Variants in ST8SIA3 observed in about 807,000 individuals in gnomAD.
ST8SIA3 encodes the protein ST8 alpha-N-acetyl-neuraminide alpha-2,8-sialyltransferase 3.
Under a neutral mutation model 34.5 loss-of-function variants are expected in ST8SIA3, and 17 were observed. That is an observed-to-expected ratio of 0.49 (90% CI 0.34 to 0.74). The LOEUF (loss-of-function observed/expected upper bound fraction) is 0.74, where lower values mean the gene tolerates loss of function less well. Among genes scored for constraint, ST8SIA3 ranks in the 30% least tolerant of loss-of-function variants. The probability of loss-of-function intolerance (pLI) is 0.01; values close to 1 mark genes in which losing one functional copy is unlikely to be tolerated. For missense variants in ST8SIA3, 354 were observed against 467.8 expected, an observed-to-expected ratio of 0.76 and a Z score of 2.24; for synonymous variants, 172 against 176.1, an observed-to-expected ratio of 0.98 and a Z score of 0.19.
chr18:57,359,335 T>C (rs929779315), intron 3 of ST8SIA3, among the ~76,000 whole-genome samples: 2 of 152,174 alleles, frequency 1.3e-5, no homozygotes, highest in Non-Finnish European at 2.9e-5. Flanking sequence ...ACTTTCTGAA[T>C]TTAAAAAATT....
chr18:57,357,600 A>G, intron 3 of ST8SIA3, 130 bp downstream of exon 3: 2 of 739,088 alleles, frequency 2.7e-6, no homozygotes, highest in East Asian at 2.6e-5. Flanking sequence ...GAAGAAACTC[A>G]TATGTTTTGT....
Position 57,360,267 on chromosome 18 carries a change from A to G in ST8SIA3, c.1133A>G (p.His378Arg). 1 of 1,613,642 alleles carries G rather than the reference A, an allele frequency of 6.2e-7. No individual in the cohort carries two copies. Residue 378 changes from histidine (H) to arginine (R), a missense_variant, in exon 4 of 4, where the codon CAC becomes CGC. His to Arg is a conservative substitution (Grantham distance 29). Transcript: ENST00000324000. ...GGGCTCACCAAGCTGACTCTGTCAC[A>G]CTGTGCCTAAGAACTCCAAACGGAA... ...GEGLTKLTLS[H>R]CA
At chr18:57,353,424 C>A (rs143367150) in intron 1 of ST8SIA3, among the ~76,000 whole-genome samples, 1 of 152,050 alleles carries the variant, frequency 6.6e-6, no homozygotes, top group Admixed American at 6.5e-5. Context: ...GCAGACTCCG[C>A]GGGCCGGGCC....
intron 1 of ST8SIA3, among the ~76,000 whole-genome samples, chr18:57,353,728 C>T (rs1425582923): frequency 6.6e-6 from 1 of 152,148 alleles, no homozygotes; most frequent in Admixed American, 6.5e-5. Context: ...AGCTTGACGC[C>T]GCTCTGCGAG....
At chr18:57,357,511 T>C (rs767110199) in intron 3 of ST8SIA3, 41 bp downstream of exon 3, 34 of 1,495,422 alleles carry the variant, frequency 2.3e-5, no homozygotes, top group South Asian at 4.8e-5. Context: ...CTCCACCAGA[T>C]GGCAAATCAA....
rs372611334 is a variant in ST8SIA3 at position 57,362,534 on chromosome 18, T to C, written c.*2257T>C. The stretch of plus-strand genomic sequence containing the variant: ...TATCTCATCATAATGCCAAGGATTT[T>C]TGTTTGTTTTTTAAGTTCAGGGAGA... On this transcript the variant is annotated 3_prime_UTR_variant, in exon 4 of 4. Coordinates refer to ENST00000324000, the MANE Select transcript of ST8SIA3 (RefSeq NM_015879.3). The C allele has an allele frequency of 6.6e-6, 1 of 152,304 alleles. No individual in the cohort carries two copies. The highest frequency in any genetic ancestry group is 6.5e-5 in the Admixed American group (1 of 15,310). The allele number at this position is 152,304 out of a possible 1,614,324, so 9.4% of individuals were successfully genotyped here. A position where few individuals can be genotyped will look rare whatever the true frequency, so the allele number is the denominator to read the frequency against.
Position 57,352,984 on chromosome 18 carries a change from C to G in ST8SIA3, c.138C>G (p.Ser46Arg), listed in dbSNP as rs764954178. The stretch of plus-strand genomic sequence containing the variant: ...TCTTCACCACTCCCAAGTACGCCAG[C>G]CCGGGGGCGCCCCGAATGTACATGT... ...ENIFTTPKYA[S>R]PGAPRMYMFH... Residue 46 changes from serine to arginine, a missense_variant, in exon 1 of 4, where the codon AGC becomes AGG. Ser to Arg is a moderately radical substitution (Grantham distance 110). Coordinates refer to ENST00000324000, the MANE Select transcript of ST8SIA3 (RefSeq NM_015879.3). 5.6e-6 allele frequency: 9 copies of G among 1,611,692 alleles called. No individual in the cohort carries two copies. The highest frequency in any genetic ancestry group is 6.8e-6 in the Non-Finnish European group (8 of 1,179,988).
Position 57,354,471 on chromosome 18 carries a change from C to T in ST8SIA3, c.249C>T (p.Leu83=), listed in dbSNP as rs2049786685. The change falls in exon 2 of 4, where the codon CTC becomes CTT. Residue 83 remains leucine (L), a synonymous_variant. Transcript: ENST00000324000. ...VPITNSLTQE[L]QEKPSKWKFN... ...TTACGAATTCTCTCACCCAGGAACT[C>T]CAAGAGAAACCTTCTAAGTGGAAAT... 2 of 1,614,162 alleles carry T rather than the reference C, an allele frequency of 1.2e-6. No individual in the cohort carries two copies. Among genetic ancestry groups the T allele is most frequent in the Non-Finnish European group, 1.7e-6 (2 of 1,180,028 alleles).
intron 1 of ST8SIA3, among the ~76,000 whole-genome samples, chr18:57,353,383 G>A (rs2049776968): frequency 1.3e-5 from 2 of 151,964 alleles, no homozygotes; most frequent in South Asian, 4.1e-4. Flanking sequence ...ATGGACAGGC[G>A]TGAGGGGAGC....
At chr18:57,353,442 G>A (rs2082932369) in intron 1 of ST8SIA3, among the ~76,000 whole-genome samples, 1 of 152,094 alleles carries the variant, frequency 6.6e-6, no homozygotes, top group Admixed American at 6.5e-5. Flanking sequence ...GCCCGGGGCG[G>A]TGCTGGCGGT....
intron 1 of ST8SIA3, 135 bp downstream of exon 1, chr18:57,353,160 CCTCT>C: frequency 1.0e-5 from 8 of 800,704 alleles, no homozygotes; most frequent in Non-Finnish European, 1.6e-5. Flanking sequence ...TCCTTCCACT[CCTCT>C]CTCTAATTCT....
chr18:57,355,224 C>T (rs1466392476), intron 2 of ST8SIA3, among the ~76,000 whole-genome samples: 1 of 152,100 alleles, frequency 6.6e-6, no homozygotes, highest in African/African-American at 2.4e-5. Flanking sequence ...TGTATTTATT[C>T]TGCTCAGTGA....
intron 1 of ST8SIA3, among the ~76,000 whole-genome samples, chr18:57,353,823 G>A (rs1460552469): frequency 6.6e-6 from 1 of 152,214 alleles, no homozygotes. Context: ...TGCCACCTGT[G>A]GTCCAAGCTG....
In ST8SIA3 at chr18:57,361,408, A is replaced by G. The variant is rs1395923544; in HGVS notation, c.*1131A>G. The G allele has an allele frequency of 6.6e-6, 1 of 152,578 alleles. No individual in the cohort carries two copies. Among genetic ancestry groups the G allele is most frequent in the Non-Finnish European group, 1.5e-5 (1 of 68,066 alleles). 9.5% of individuals were successfully genotyped at this position (152,578 alleles called of 1,614,324 possible). A position where few individuals can be genotyped will look rare whatever the true frequency, so the allele number is the denominator to read the frequency against. ...CCCAGGTGACTAGTGCTGAGGTGCG[A>G]TCGTTTTCCGTATCATTGTGTGCAC... On this transcript the variant is annotated 3_prime_UTR_variant, in exon 4 of 4. Transcript: ENST00000324000.
Position 57,352,707 on chromosome 18 carries a change from C to T in ST8SIA3, c.-140C>T, listed in dbSNP as rs1167368853. The T allele has an allele frequency of 3.2e-6, 1 of 307,902 alleles. No individual in the cohort carries two copies. The highest frequency in any genetic ancestry group is 2.5e-5 in the South Asian group (1 of 39,716). The allele number at this position is 307,902 out of a possible 1,614,324, so 19.1% of individuals were successfully genotyped here. A position where few individuals can be genotyped will look rare whatever the true frequency, so the allele number is the denominator to read the frequency against. ...CTCCCCCCACCCCCGCCCGGGTCCC[C>T]CTCCTCCGCCACACGCGCGCGCGCT... On this transcript the variant is annotated 5_prime_UTR_variant, in exon 1 of 4. Coordinates refer to ENST00000324000, the MANE Select transcript of ST8SIA3 (RefSeq NM_015879.3).
intron 3 of ST8SIA3, among the ~76,000 whole-genome samples, 184 bp from the exon 4 acceptor site, chr18:57,359,811 G>A (rs1000232862): frequency 5.3e-5 from 8 of 152,112 alleles, no homozygotes; most frequent in Non-Finnish European, 2.9e-5. Context: ...TTTCTTACTG[G>A]ATCTCACAAA....
At chr18:57,353,254 C>T (rs2049776111) in intron 1 of ST8SIA3, among the ~76,000 whole-genome samples, 2 of 152,056 alleles carry the variant, frequency 1.3e-5, no homozygotes, top group South Asian at 4.2e-4. Context: ...TTGCATTTCT[C>T]GTATTCTTCC....
rs2049858348 is a variant in ST8SIA3, at chr18:57,365,995, C to T, written c.*5718C>T. 6.6e-6 allele frequency: 1 copy of T among 152,192 alleles called. No homozygotes were observed. The highest frequency in any genetic ancestry group is 2.4e-5 in the African/African-American group (1 of 41,454). The allele number at this position is 152,192 out of a possible 1,614,324, so 9.4% of individuals were successfully genotyped here. On this transcript the variant is annotated 3_prime_UTR_variant, in exon 4 of 4. Transcript: ENST00000324000. Reference sequence around the variant, plus strand: ...AACAGTGGAACCCAGATTTTTAGCACCTACCAATTTCTATGGTGTAAATAC... The same window carrying T: ...AACAGTGGAACCCAGATTTTTAGCATCTACCAATTTCTATGGTGTAAATAC...
rs915842880 is a variant in ST8SIA3 at position 57,358,116 on chromosome 18, G to T, written c.860+646G>T. On this transcript the variant is annotated intron_variant, in intron 3 of 3. Transcript: ENST00000324000. Reference sequence around the variant, plus strand: ...ACTTGAGAGCTTTAAAAATACTATTGTCTAGGCTCTGCCTCAAGAGATCCT... The same window carrying T: ...ACTTGAGAGCTTTAAAAATACTATTTTCTAGGCTCTGCCTCAAGAGATCCT... Among the ~76,000 whole-genome samples the T allele has an allele frequency of 4.6e-5, 7 of 152,266 alleles. No individual in the cohort carries two copies. The East Asian group carries it at 9.7e-4, about 21-fold the overall frequency.
Sources: allele counts gnomAD v4.1 joint callset (sites outside exome capture counted in the v4.1 genomes callset), GRCh38; gene constraint gnomAD v4.1.1; transcripts MANE v1.5; gene names NCBI Gene and HGNC (gene_info 2026-07-23, HGNC 2026-07-21).